CATSPERG: variants seen among roughly 807,000 people sequenced by gnomAD.
CATSPERG encodes the protein cation channel sperm-associated auxiliary subunit gamma.
CATSPERG carries 115 observed loss-of-function variants against 145.0 expected under a neutral mutation model. That is an observed-to-expected ratio of 0.79 (90% CI 0.68 to 0.93). The LOEUF (loss-of-function observed/expected upper bound fraction) is 0.93, where lower values mean the gene tolerates loss of function less well. Among genes scored for constraint, CATSPERG ranks in the 40% least tolerant of loss-of-function variants. The probability of loss-of-function intolerance (pLI) is 0.00; values close to 1 mark genes in which losing one functional copy is unlikely to be tolerated. For synonymous variants in CATSPERG, 588 were observed against 589.0 expected, an observed-to-expected ratio of 1.00 and a Z score of 0.02; for missense variants, 1,296 against 1,490.1, an observed-to-expected ratio of 0.87 and a Z score of 2.14.
chr19:38,351,328 G>C (rs1237067242), intron 7 of CATSPERG, among the ~76,000 whole-genome samples: 1 of 152,126 alleles, frequency 6.6e-6, no homozygotes. Flanking sequence ...TAGCTGGGAG[G>C]CCGGGTGCGG....
At chr19:38,361,062 T>C (rs1335188410) in intron 16 of CATSPERG, among the ~76,000 whole-genome samples, 1 of 152,062 alleles carries the variant, frequency 6.6e-6, no homozygotes, top group East Asian at 1.9e-4. Flanking sequence ...GTGTATGCAC[T>C]GTGGCAAGAA....
chr19:38,367,227 G>C lies in CATSPERG; in HGVS notation c.2685G>C (p.Thr895=), dbSNP rs561919443. ...GKRLAFDITY[T]LEYSRLKNKH... ...GCCTGGCCTTCGACATCACCTACAC[G>C]CTGGAATACAGCCGCCTGAAGAACA... The change falls in exon 23 of 29, where the codon ACG becomes ACC. Residue 895 remains threonine, a synonymous_variant. Coordinates refer to ENST00000409235, the MANE Select transcript of CATSPERG (RefSeq NM_021185.5). The C allele has an allele frequency of 6.2e-7, 1 of 1,613,822 alleles. No individual in the cohort carries two copies. Among genetic ancestry groups the C allele is most frequent in the Admixed American group, 1.7e-5 (1 of 59,984 alleles).
chr19:38,364,084 G>C (rs548962074), intron 20 of CATSPERG, among the ~76,000 whole-genome samples: 27 of 151,060 alleles, frequency 1.8e-4, no homozygotes, highest in Non-Finnish European at 3.1e-4. Flanking sequence ...GCAGCTGGCC[G>C]GGCGGGGGGC....
chr19:38,344,162 A>G (rs753724386), intron 5 of CATSPERG, 43 bp downstream of exon 5: 8 of 1,550,368 alleles, frequency 5.2e-6, no homozygotes, highest in Admixed American at 2.0e-5. Flanking sequence ...CTCCGGGGGA[A>G]TTCCTCACCC....
intron 20 of CATSPERG, among the ~76,000 whole-genome samples, chr19:38,364,475 C>T (rs914119888): frequency 3.3e-5 from 5 of 151,362 alleles, no homozygotes; most frequent in African/African-American, 1.2e-4. Context: ...ACGTCCCAGA[C>T]GATGGGCAGC....
In CATSPERG at chr19:38,358,415, T is replaced by C; in HGVS notation, c.1367-17T>C. 6.2e-7 allele frequency: 1 copy of C among 1,614,190 alleles called. No individual in the cohort carries two copies. Among genetic ancestry groups the C allele is most frequent in the Non-Finnish European group, 8.5e-7 (1 of 1,180,012 alleles). On this transcript the variant is annotated splice_polypyrimidine_tract_variant and intron_variant, in intron 12 of 28. Coordinates refer to ENST00000409235, the MANE Select transcript of CATSPERG (RefSeq NM_021185.5). ...TCCACTTCACTGCTGTGTCCTCTCT[T>C]CCTCTGCTCCGGTCAGCTCGAGGAT...
intron 12 of CATSPERG, 24 bp from the exon 13 acceptor site, chr19:38,358,408 C>A (rs1190385701): frequency 5.6e-6 from 9 of 1,614,012 alleles, no homozygotes; most frequent in Non-Finnish European, 6.8e-6. Flanking sequence ...ACTGCTGTGT[C>A]CTCTCTTCCT....
chr19:38,350,147 C>G (rs1970113677), intron 7 of CATSPERG, among the ~76,000 whole-genome samples: 1 of 152,172 alleles, frequency 6.6e-6, no homozygotes, highest in Non-Finnish European at 1.5e-5. Context: ...TGACATTCCA[C>G]TAGTGAGAAG....
chr19:38,346,385 T>C (rs1037243805), intron 6 of CATSPERG, 65 bp from the exon 7 acceptor site: 9 of 1,446,592 alleles, frequency 6.2e-6, no homozygotes, highest in Non-Finnish European at 8.3e-6. Context: ...GCCTTGGACC[T>C]AAATGAGATG....
chr19:38,365,563 T>C (rs1482262140), intron 22 of CATSPERG: 2 of 176,714 alleles, frequency 1.1e-5, no homozygotes, highest in East Asian at 3.0e-4. Flanking sequence ...TGAGCCACCA[T>C]GCCCGGCCTA....
At chr19:38,340,060 G>C (rs1274227118) in intron 3 of CATSPERG, among the ~76,000 whole-genome samples, 1 of 151,880 alleles carries the variant, frequency 6.6e-6, no homozygotes, top group Non-Finnish European at 1.5e-5. Context: ...CACCATGTTG[G>C]CCAGGCTGGT....
chr19:38,337,550 A>G, intron 2 of CATSPERG, 43 bp from the exon 3 acceptor site: 1 of 1,551,668 alleles, frequency 6.4e-7, no homozygotes, highest in Non-Finnish European at 8.7e-7. Flanking sequence ...TTGAACCCGC[A>G]CTCCACTCAT....
At chr19:38,336,798 T>G (rs1226570402) in intron 1 of CATSPERG, among the ~76,000 whole-genome samples, 1 of 150,834 alleles carries the variant, frequency 6.6e-6, no homozygotes, top group Non-Finnish European at 1.5e-5. Context: ...GGGGGCGGAA[T>G]AAGGAGCAAG....
At position 38,344,208 on chromosome 19, in the gene CATSPERG, G is replaced by A. The variant is rs113534290; in HGVS notation, c.597-88G>A. ...AGAGGAGCCAGTGGGAGATCCAAGG[G>A]AGAGAATGGGGAGAGGAGAGGCAGC... On this transcript the variant is annotated intron_variant, in intron 5 of 28. Transcript: ENST00000409235. 9.8e-5 allele frequency: 151 copies of A among 1,542,282 alleles called. 2 individuals carry two copies. The African/African-American group carries it at 1.5e-3, about 15-fold the overall frequency.
At position 38,367,307 on chromosome 19, in the gene CATSPERG, G is replaced by T; in HGVS notation, c.2765G>T (p.Arg922Leu). 3 of 1,610,876 alleles carry T rather than the reference G, an allele frequency of 1.9e-6. No homozygotes were observed. The highest frequency in any genetic ancestry group is 1.7e-6 in the Non-Finnish European group (2 of 1,179,372). The change falls in exon 23 of 29, where the codon CGG becomes CTG. Residue 922 changes from arginine to leucine, a missense_variant. Arg to Leu is a moderately radical substitution (Grantham distance 102). Transcript: ENST00000409235. ...VNPEMPCFLF[R>L]DIFYPFFLIQ... is the part of the protein sequence containing the mutation. The stretch of plus-strand genomic sequence containing the variant: ...CCGGAGATGCCCTGCTTTCTCTTCC[G>T]GGACAGTGTGTGTCCAGTCCCTTCC...
Position 38,344,016 on chromosome 19 carries a change from T to G in CATSPERG, c.493T>G (p.Cys165Gly), listed in dbSNP as rs1969983341. The G allele has an allele frequency of 6.4e-7, 1 of 1,550,976 alleles. No homozygotes were observed. Among genetic ancestry groups the G allele is most frequent in the East Asian group, 2.4e-5 (1 of 40,904 alleles). ...SKEPCMAEEV[C>G]SMSWYTPMPI... ...AGAGCCATGCATGGCAGAAGAAGTG[T>G]GTAGCATGAGCTGGTACACGCCCAT... Residue 165 changes from cysteine (C) to glycine (G), a missense_variant, in exon 5 of 29, where the codon TGT becomes GGT. Coordinates refer to ENST00000409235, the MANE Select transcript of CATSPERG (RefSeq NM_021185.5).
chr19:38,341,068 A>G (rs966559464), intron 3 of CATSPERG, among the ~76,000 whole-genome samples: 1 of 152,274 alleles, frequency 6.6e-6, no homozygotes, highest in Middle Eastern at 3.4e-3. Flanking sequence ...AGCATGTGTG[A>G]GAAACTATGA....
rs546706087 is a variant in CATSPERG at position 38,353,220 on chromosome 19, G to A, written c.997+788G>A. The stretch of plus-strand genomic sequence containing the variant: ...ATTGTGGTGGGCACCTGTTATTCCA[G>A]CTACTCAGGAGGCTGAGAAAGGAGA... On this transcript the variant is annotated intron_variant, in intron 8 of 28. Transcript: ENST00000409235. Among the ~76,000 whole-genome samples the A allele has an allele frequency of 5.3e-5, 8 of 151,462 alleles. No homozygotes were observed. The South Asian group carries it at 6.3e-4, about 12-fold the overall frequency.
At chr19:38,364,215 G>A (rs916001059) in intron 20 of CATSPERG, among the ~76,000 whole-genome samples, 6 of 152,142 alleles carry the variant, frequency 3.9e-5, no homozygotes, top group Non-Finnish European at 8.8e-5. Context: ...CAGGGTGGCT[G>A]CCGGGCGGAG....
Sources: gnomAD v4.1 joint callset for allele counts (sites outside exome capture counted in the v4.1 genomes callset) on GRCh38, gnomAD v4.1.1 for gene constraint, MANE v1.5 for transcripts, NCBI Gene and HGNC (gene_info 2026-07-23, HGNC 2026-07-21) for gene names.